The following PRODH2 variants were observed in gnomAD, a reference collection of about 807,000 sequenced individuals.
The protein encoded by PRODH2 is hydroxyproline dehydrogenase.
In PRODH2, 49 loss-of-function variants were observed where a neutral mutation model predicts 51.9. The observed-to-expected ratio is 0.94, with a 90% CI of 0.75 to 1.20. The LOEUF (loss-of-function observed/expected upper bound fraction) is 1.20, where lower values mean the gene tolerates loss of function less well. Ranked by LOEUF, PRODH2 falls within the 50% of genes most tolerant of loss-of-function variation. PRODH2 has a pLI of 0.00. For missense variants in PRODH2, 597 were observed against 610.9 expected (o/e 0.98, Z 0.24); for synonymous variants, 249 against 260.7 (o/e 0.96, Z 0.43).
Position 35,809,828 on chromosome 19 carries a change from G to A in PRODH2, c.597+2134C>T, listed in dbSNP as rs182851051. Among the ~76,000 whole-genome samples the A allele has an allele frequency of 6.4e-3, 964 of 149,734 alleles. 13 individuals carry two copies. Among genetic ancestry groups the A allele is most frequent in the African/African-American group, 0.023 (913 of 39,730 alleles). ...ACAAAACTTAGCTGGGTGTGGTGGT[G>A]TGCGCCTGTAGCCCCAGCTACTCAG... On this transcript the variant is annotated intron_variant, in intron 4 of 9. Transcript: ENST00000653904.
Position 35,812,772 on chromosome 19 carries a change from CTTGGGAACAGA to C in PRODH2, c.23_33del (p.Leu8ArgfsTer14), listed in dbSNP as rs762894566. ...TGCCAGCCCCTGGAGGGGGGACCAG[CTTGGGAACAGA>C]GCACGTAACAGGTCCGGAGCATCCT... is the stretch of plus-strand genomic sequence containing the variant. On this transcript the variant is annotated frameshift_variant, in exon 1 of 10. Coordinates refer to ENST00000653904, the MANE Select transcript of PRODH2 (RefSeq NM_021232.2). LOFTEE classifies it high-confidence loss of function. 1 of 1,606,692 alleles carries C rather than the reference CTTGGGAACAGA, an allele frequency of 6.2e-7. No individual in the cohort carries two copies. The highest frequency in any genetic ancestry group is 8.5e-7 in the Non-Finnish European group (1 of 1,175,460).
rs1173959191 is a variant in PRODH2, at chr19:35,812,806, C to A, written c.-1G>T. ...AGAGCACGTAACAGGTCCGGAGCAT[C>A]CTGGGTCCCTGGCTGCCTCCACACC... is the stretch of plus-strand genomic sequence containing the variant. On this transcript the variant is annotated 5_prime_UTR_variant, in exon 1 of 10. Transcript: ENST00000653904. The A allele has an allele frequency of 8.2e-6, 13 of 1,582,712 alleles. No individual in the cohort carries two copies. The highest frequency in any genetic ancestry group is 1.3e-5 in the African/African-American group (1 of 74,118).
chr19:35,808,597 C>G (rs1599821962), intron 4 of PRODH2, among the ~76,000 whole-genome samples: 1 of 152,050 alleles, frequency 6.6e-6, no homozygotes, highest in Non-Finnish European at 1.5e-5. Context: ...AAATATTTAA[C>G]TCATTTAATA....
chr19:35,801,113 G>T (rs1162091372), intron 9 of PRODH2, among the ~76,000 whole-genome samples: 2 of 152,102 alleles, frequency 1.3e-5, no homozygotes, highest in East Asian at 3.9e-4. Context: ...GTTGAAGTGA[G>T]CTGAGATCGT....
intron 4 of PRODH2, among the ~76,000 whole-genome samples, chr19:35,809,613 T>G (rs995683396): frequency 2.0e-5 from 3 of 152,182 alleles, no homozygotes; most frequent in Non-Finnish European, 4.4e-5. Context: ...TCTCCAAAGC[T>G]GATTTTCTGA....
At chr19:35,806,903 G>A (rs1972523464) in intron 5 of PRODH2, 73 bp from the exon 6 acceptor site, 1 of 1,550,778 alleles carries the variant, frequency 6.4e-7, no homozygotes, top group East Asian at 2.4e-5. Flanking sequence ...CCCAGCAGGA[G>A]GGGTTACCTG....
At chr19:35,805,267 AATT>A (rs1366213731) in intron 7 of PRODH2, among the ~76,000 whole-genome samples, 6 of 151,988 alleles carry the variant, frequency 3.9e-5, no homozygotes, top group Non-Finnish European at 8.8e-5. Context: ...TAATAGTGCA[AATT>A]ATTATTATTA....
chr19:35,812,208 G>A lies in PRODH2; in HGVS notation c.436C>T (p.Leu146=), dbSNP rs751553827. The stretch of plus-strand genomic sequence containing the variant: ...GCCTCAGCCAGGCTGGGGGGCTCCA[G>A]GAGGCCCCGTGACAGGTCCACACAC... The part of the protein sequence containing the change: ...LRCVDLSRGL[L]EPPSLAEASL... The change falls in exon 3 of 10, where the codon CTG becomes TTG. Residue 146 remains leucine (L), a synonymous_variant. Transcript: ENST00000653904. The A allele has an allele frequency of 1.9e-6, 3 of 1,614,080 alleles. No homozygotes were observed. Among genetic ancestry groups the A allele is most frequent in the South Asian group, 1.1e-5 (1 of 91,084 alleles).
In PRODH2 at chr19:35,812,215, C is replaced by A; in HGVS notation, c.429G>T (p.Arg143=). 6.2e-7 allele frequency: 1 copy of A among 1,614,030 alleles called. No individual in the cohort carries two copies. The highest frequency in any genetic ancestry group is 8.5e-7 in the Non-Finnish European group (1 of 1,180,016). The part of the protein sequence containing the change: ...GAMLRCVDLS[R]GLLEPPSLAE... The stretch of plus-strand genomic sequence containing the variant: ...CCAGGCTGGGGGGCTCCAGGAGGCC[C>A]CGTGACAGGTCCACACACCGCAGCA... The change falls in exon 3 of 10, where the codon CGG becomes CGT. Residue 143 remains arginine, a synonymous_variant. Transcript: ENST00000653904.
intron 6 of PRODH2, 32 bp downstream of exon 6, chr19:35,806,643 C>G: frequency 6.2e-7 from 1 of 1,613,966 alleles, no homozygotes; most frequent in Non-Finnish European, 8.5e-7. Context: ...TGTGGGGACC[C>G]CAGCCTGTAC....
At chr19:35,806,884 G>A (rs1377004085) in intron 5 of PRODH2, 54 bp from the exon 6 acceptor site, 9 of 1,556,932 alleles carry the variant, frequency 5.8e-6, no homozygotes, top group African/African-American at 4.1e-5. Context: ...AGGGGCAGTG[G>A]AGCCAGATCC....
At position 35,812,502 on chromosome 19, in the gene PRODH2, G is replaced by A. The variant is rs184913289; in HGVS notation, c.229C>T (p.Arg77Ter). The A allele has an allele frequency of 6.8e-5, 109 of 1,614,214 alleles. No individual in the cohort carries two copies. In the East Asian group the frequency reaches 1.1e-3, roughly 17 times the overall value. ...ACAAACTGCCCATAGACGGATGCTC[G>A]GAGAAATGCGCCTGAGAGCCGGGAG... The part of the protein sequence containing the change: ...LGSRLSGAFL[R>*]ASVYGQFVAG... The change falls in exon 2 of 10, where the codon CGA (arginine) becomes TGA (stop). Residue 77 changes from arginine (R) to a stop codon, truncating the protein, a stop_gained. Coordinates refer to ENST00000653904, the MANE Select transcript of PRODH2 (RefSeq NM_021232.2). LOFTEE classifies it high-confidence loss of function.
rs1972512982 is a variant in PRODH2 at position 35,806,513 on chromosome 19, T to G, written c.918A>C (p.Ala306=). 2 of 1,614,130 alleles carry G rather than the reference T, an allele frequency of 1.2e-6. No individual in the cohort carries two copies. Among genetic ancestry groups the G allele is most frequent in the Non-Finnish European group, 8.5e-7 (1 of 1,180,018 alleles). Residue 306 remains alanine, a synonymous_variant, in exon 7 of 10, where the codon GCA becomes GCC. Coordinates refer to ENST00000653904, the MANE Select transcript of PRODH2 (RefSeq NM_021232.2). ...LAFGVKLVRG[A]YLDKERAVAQ... Reference sequence around the variant, plus strand: ...CCACCGCTCTCTCCTTGTCCAGATATGCACCTCGTACCAGCTTCACTCCGA... The same window carrying G: ...CCACCGCTCTCTCCTTGTCCAGATAGGCACCTCGTACCAGCTTCACTCCGA...
intron 4 of PRODH2, among the ~76,000 whole-genome samples, chr19:35,810,285 A>AATT (rs1404379860): frequency 6.8e-6 from 1 of 147,184 alleles, no homozygotes; most frequent in African/African-American, 2.5e-5. Context: ...TAATAATAAT[A>AATT]ATAATAAATA....
chr19:35,800,297 T>C, intron 9 of PRODH2, 75 bp from the exon 10 acceptor site: 2 of 1,324,976 alleles, frequency 1.5e-6, no homozygotes, highest in African/African-American at 3.0e-5. Flanking sequence ...TTGCCCAGGC[T>C]GGAGTGCAGT....
intron 9 of PRODH2, 50 bp downstream of exon 9, chr19:35,802,141 G>T: frequency 6.5e-7 from 1 of 1,547,956 alleles, no homozygotes; most frequent in Non-Finnish European, 8.9e-7. Flanking sequence ...CTCTGGCTGG[G>T]AGGGAGTAAG....
intron 9 of PRODH2, 186 bp downstream of exon 9, chr19:35,802,005 A>G: frequency 3.2e-6 from 2 of 618,470 alleles, no homozygotes; most frequent in Non-Finnish European, 5.8e-6. Flanking sequence ...CACCATGATC[A>G]AGAACCAGCA....
chr19:35,804,207 A>G (rs1188444102), intron 7 of PRODH2, among the ~76,000 whole-genome samples: 1 of 152,100 alleles, frequency 6.6e-6, no homozygotes, highest in Non-Finnish European at 1.5e-5. Flanking sequence ...TGTTTTTTAG[A>G]GACTGGGTCT....
intron 9 of PRODH2, among the ~76,000 whole-genome samples, chr19:35,801,325 G>C (rs1443673171): frequency 6.6e-6 from 1 of 152,116 alleles, no homozygotes. Flanking sequence ...AATTAGCTGG[G>C]CGTGGTGGCA....
Sources: gnomAD v4.1 joint callset for allele counts (sites outside exome capture counted in the v4.1 genomes callset) on GRCh38, gnomAD v4.1.1 for gene constraint, MANE v1.5 for transcripts, NCBI Gene and HGNC (gene_info 2026-07-23, HGNC 2026-07-21) for gene names.